HOXB5: variants seen among roughly 807,000 people sequenced by gnomAD.
HOXB5 encodes homeobox B5.
Under a neutral mutation model 19.6 loss-of-function variants are expected in HOXB5, and 10 were observed. That is an observed-to-expected ratio of 0.51 (90% confidence interval 0.32 to 0.87). The LOEUF is 0.87. HOXB5 is among the 40% of genes least tolerant of loss of function. The pLI is 0.04. For synonymous variants in HOXB5, 167 were observed against 156.9 expected (o/e 1.06, Z -0.48); for missense variants, 353 against 369.6 (o/e 0.96, Z 0.37).
Position 48,591,877 on chromosome 17 carries a change from C to G in HOXB5, c.*332G>C, listed in dbSNP as rs2070158512. On this transcript the variant is annotated 3_prime_UTR_variant, in exon 2 of 2. Transcript: ENST00000239151. ...GAGGGGAGAGTTCACATTAAACATGCGAATTTCTTTTTTTTTTTTTCCTGG... is the reference window on the plus strand; with the variant it reads ...GAGGGGAGAGTTCACATTAAACATGGGAATTTCTTTTTTTTTTTTTCCTGG... 6.0e-6 allele frequency: 1 copy of G among 167,976 alleles called. No homozygotes were observed. The highest frequency in any genetic ancestry group is 1.3e-5 in the Non-Finnish European group (1 of 79,902). 10.4% of individuals were successfully genotyped at this position (167,976 alleles called of 1,614,324 possible). A position where few individuals can be genotyped will look rare whatever the true frequency, so the allele number is the denominator to read the frequency against.
chr17:48,593,177 G>C lies in HOXB5; in HGVS notation c.506C>G (p.Pro169Arg), dbSNP rs759044335. The change falls in exon 1 of 2, where the codon CCC becomes CGC. Residue 169 changes from proline (P) to arginine (R), a missense_variant. Pro to Arg is a moderately radical substitution (Grantham distance 103). Transcript: ENST00000239151. ...GAATATTTGCGGAGTCTGCCCCTCG[G>C]GCGCGGCTGTGGAGGTGGCCATGGG... Reference protein sequence around the residue: ...PEPMATSTAAPEGQTPQIFPW... With the variant: ...PEPMATSTAAREGQTPQIFPW... 6.3e-7 allele frequency: 1 copy of C among 1,594,456 alleles called. No homozygotes were observed. Among genetic ancestry groups the C allele is most frequent in the Non-Finnish European group, 8.6e-7 (1 of 1,167,264 alleles).
chr17:48,592,936 C>A (rs150779804), intron 1 of HOXB5, among the ~76,000 whole-genome samples, 185 bp downstream of exon 1: 115 of 152,238 alleles, frequency 7.6e-4, no homozygotes, highest in African/African-American at 2.7e-3. Flanking sequence ...AAAAATACCC[C>A]CCTCTTAACA....
intron 1 of HOXB5, 131 bp downstream of exon 1, chr17:48,592,990 C>T (rs2070187279): frequency 5.9e-6 from 4 of 674,890 alleles, no homozygotes; most frequent in Middle Eastern, 4.2e-4. Flanking sequence ...TGAGGCCCCT[C>T]TTAGATACTT....
chr17:48,593,128 G>T lies in HOXB5; in HGVS notation c.555C>A (p.Ile185=). The T allele has an allele frequency of 6.5e-7, 1 of 1,538,410 alleles. No individual in the cohort carries two copies. The highest frequency in any genetic ancestry group is 8.8e-7 in the Non-Finnish European group (1 of 1,138,656). The change falls in exon 1 of 2, where the codon ATC becomes ATA. Residue 185 remains isoleucine, a synonymous_variant. Coordinates refer to ENST00000239151, the MANE Select transcript of HOXB5 (RefSeq NM_002147.4). ...QIFPWMRKLH[I]SHDMTGPDGK... is the part of the protein sequence containing the mutation. ...AAAGAGAGAGAGAATTACCATGGCT[G>T]ATGTGAAGCTTCCTCATCCAGGGGA...
Position 48,592,447 on chromosome 17 carries a change from C to T in HOXB5, c.572G>A (p.Gly191Glu). 1.9e-6 allele frequency: 3 copies of T among 1,582,802 alleles called. No individual in the cohort carries two copies. The highest frequency in any genetic ancestry group is 2.6e-6 in the Non-Finnish European group (3 of 1,160,654). ...RKLHISHDMT[G>E]PDGKRARTAY... ...GGTCCGGGCCCTTTTCCCGTCCGGC[C>T]CGGTCATATCTGGAGCAGATAGAGG... Residue 191 changes from glycine to glutamate, a missense_variant, in exon 2 of 2, where the codon GGG (glycine) becomes GAG (glutamate). Transcript: ENST00000239151.
In HOXB5 at chr17:48,593,433, G is replaced by C. The variant is rs778904505; in HGVS notation, c.250C>G (p.Arg84Gly). ...CAGCTCGAAGCCGCTTGCCTGAAGC[G>C]GGGCTCCTGGGCGGGCGCGGGGAAG... ...RAFPAPAQEP[R>G]FRQAASSCSL... The change falls in exon 1 of 2, where the codon CGC becomes GGC. Residue 84 changes from arginine (R) to glycine (G), a missense_variant. By Grantham distance (125) the Arg-to-Gly change is moderately radical. Transcript: ENST00000239151. 1.9e-6 allele frequency: 3 copies of C among 1,609,936 alleles called. No individual in the cohort carries two copies. The highest frequency in any genetic ancestry group is 1.1e-5 in the South Asian group (1 of 90,814).
Position 48,592,466 on chromosome 17 carries a change from A to G in HOXB5, c.563-10T>C. 1 of 1,375,098 alleles carries G rather than the reference A, an allele frequency of 7.3e-7. No individual in the cohort carries two copies. The allele number at this position is 1,375,098 out of a possible 1,614,324, so 85.2% of individuals were successfully genotyped here. ...TCCGGCCCGGTCATATCTGGAGCAG[A>G]TAGAGGAAAGCCGCAAGGCAACATT... is the stretch of plus-strand genomic sequence containing the variant. On this transcript the variant is annotated splice_polypyrimidine_tract_variant and intron_variant, in intron 1 of 1. Coordinates refer to ENST00000239151, the MANE Select transcript of HOXB5 (RefSeq NM_002147.4).
Position 48,593,617 on chromosome 17 carries a change from T to A in HOXB5, c.66A>T (p.Leu22=). Residue 22 remains leucine, a synonymous_variant, in exon 1 of 2, where the codon CTA becomes CTT. Transcript: ENST00000239151. ...RYPNGPDYQL[L]NYGSGSSLSG... ...TCAGAGAGCTGCCACTGCCATAATTTAGCAACTGATAGTCCGGGCCATTTG... is the reference window on the plus strand; with the variant it reads ...TCAGAGAGCTGCCACTGCCATAATTAAGCAACTGATAGTCCGGGCCATTTG... The A allele has an allele frequency of 6.2e-7, 1 of 1,613,060 alleles. No individual in the cohort carries two copies. Among genetic ancestry groups the A allele is most frequent in the Admixed American group, 1.7e-5 (1 of 60,034 alleles).
Position 48,592,074 on chromosome 17 carries a change from G to GAAATATC in HOXB5, c.*128_*134dup. 1.0e-6 allele frequency: 1 copy of GAAATATC among 989,844 alleles called. No individual in the cohort carries two copies. Among genetic ancestry groups the GAAATATC allele is most frequent in the Non-Finnish European group, 1.5e-6 (1 of 681,918 alleles). 61.3% of individuals were successfully genotyped at this position (989,844 alleles called of 1,614,324 possible). On this transcript the variant is annotated 3_prime_UTR_variant, in exon 2 of 2. Transcript: ENST00000239151. ...GCCACAGGAAGACCTAAGACCAAAC[G>GAAATATC]AAATATCGTAACACAAGGCGAGGCA...
At position 48,592,417 on chromosome 17, in the gene HOXB5, T is replaced by C; in HGVS notation, c.602A>G (p.Tyr201Cys). The C allele has an allele frequency of 1.2e-6, 2 of 1,613,070 alleles. No individual in the cohort carries two copies. The highest frequency in any genetic ancestry group is 1.7e-6 in the Non-Finnish European group (2 of 1,179,676). The stretch of plus-strand genomic sequence containing the variant: ...CAGCTCCAGGGTCTGGTAGCGGGTA[T>C]ACGCGGTCCGGGCCCTTTTCCCGTC... The part of the protein sequence containing the change: ...GPDGKRARTA[Y>C]TRYQTLELEK... Residue 201 changes from tyrosine to cysteine, a missense_variant, in exon 2 of 2, where the codon TAT (tyrosine) becomes TGT (cysteine). By Grantham distance (194) the Tyr-to-Cys change is radical. Transcript: ENST00000239151.
At position 48,592,188 on chromosome 17, in the gene HOXB5, G is replaced by T. The variant is rs2070168409; in HGVS notation, c.*21C>A. ...TGGGGGTGGCACGGGCTCTTGGGCC[G>T]CTGGGCTCCTCTGGGCGGGCTCAGG... On this transcript the variant is annotated 3_prime_UTR_variant, in exon 2 of 2. Transcript: ENST00000239151. 1 of 1,607,784 alleles carries T rather than the reference G, an allele frequency of 6.2e-7. No individual in the cohort carries two copies. Among genetic ancestry groups the T allele is most frequent in the Non-Finnish European group, 8.5e-7 (1 of 1,176,308 alleles).
chr17:48,592,171 G>C lies in HOXB5; in HGVS notation c.*38C>G, dbSNP rs1268893148. 5 of 1,598,632 alleles carry C rather than the reference G, an allele frequency of 3.1e-6. No homozygotes were observed. Among genetic ancestry groups the C allele is most frequent in the Non-Finnish European group, 4.3e-6 (5 of 1,171,614 alleles). ...ATTGGAGGGGCCAGGGCTGGGGGTG[G>C]CACGGGCTCTTGGGCCGCTGGGCTC... is the stretch of plus-strand genomic sequence containing the variant. On this transcript the variant is annotated 3_prime_UTR_variant, in exon 2 of 2. Transcript: ENST00000239151.
rs113520215 is a variant in HOXB5, at chr17:48,592,083, T to C, written c.*126A>G. 17 of 1,094,724 alleles carry C rather than the reference T, an allele frequency of 1.6e-5. 1 individual carries two copies. The African/African-American group carries it at 1.6e-4, about 10-fold the overall frequency. The allele number at this position is 1,094,724 out of a possible 1,614,324, so 67.8% of individuals were successfully genotyped here. On this transcript the variant is annotated 3_prime_UTR_variant, in exon 2 of 2. Transcript: ENST00000239151. ...AGACCTAAGACCAAACGAAATATCG[T>C]AACACAAGGCGAGGCAGGCTTGTGG...
chr17:48,592,019 TAAC>T lies in HOXB5; in HGVS notation c.*187_*189del. 2.3e-6 allele frequency: 1 copy of T among 436,872 alleles called. No individual in the cohort carries two copies. The highest frequency in any genetic ancestry group is 4.0e-6 in the Non-Finnish European group (1 of 250,714). 27.1% of individuals were successfully genotyped at this position (436,872 alleles called of 1,614,324 possible). A position where few individuals can be genotyped will look rare whatever the true frequency, so the allele number is the denominator to read the frequency against. ...TAATAATAATTATTATTAACAATAA[TAAC>T]AAGATAACCAGTCCAGGAGAGAGGG... On this transcript the variant is annotated 3_prime_UTR_variant, in exon 2 of 2. Transcript: ENST00000239151.
At chr17:48,593,070 CA>C in intron 1 of HOXB5, 50 bp downstream of exon 1, 1 of 1,039,434 alleles carries the variant, frequency 9.6e-7, no homozygotes, top group Non-Finnish European at 1.4e-6. Context: ...GATCCCACCC[CA>C]AAACGCAGAG....
At position 48,593,736 on chromosome 17, in the gene HOXB5, C is replaced by G; in HGVS notation, c.-54G>C. 2.1e-6 allele frequency: 3 copies of G among 1,460,796 alleles called. No individual in the cohort carries two copies. Among genetic ancestry groups the G allele is most frequent in the South Asian group, 2.5e-5 (2 of 81,188 alleles). The allele number at this position is 1,460,796 out of a possible 1,614,324, so 90.5% of individuals were successfully genotyped here. Reference sequence around the variant, plus strand: ...GGATCGTGGTCGTTATAACCCTGTGCTTCACGATTTATGATGTATTAATGA... The same window carrying G: ...GGATCGTGGTCGTTATAACCCTGTGGTTCACGATTTATGATGTATTAATGA... On this transcript the variant is annotated 5_prime_UTR_variant, in exon 1 of 2. Transcript: ENST00000239151.
Position 48,592,064 on chromosome 17 carries a change from A to G in HOXB5, c.*145T>C. On this transcript the variant is annotated 3_prime_UTR_variant, in exon 2 of 2. Transcript: ENST00000239151. The stretch of plus-strand genomic sequence containing the variant: ...GAGAGAGGGAGCCACAGGAAGACCT[A>G]AGACCAAACGAAATATCGTAACACA... 1 of 824,764 alleles carries G rather than the reference A, an allele frequency of 1.2e-6. No homozygotes were observed. Among genetic ancestry groups the G allele is most frequent in the South Asian group, 1.7e-5 (1 of 57,266 alleles). The allele number at this position is 824,764 out of a possible 1,614,324, so 51.1% of individuals were successfully genotyped here.
chr17:48,593,035 A>C, intron 1 of HOXB5, 86 bp downstream of exon 1: 1 of 1,025,408 alleles, frequency 9.8e-7, no homozygotes. Context: ...TATTTAGGGT[A>C]AAGCCAAGCT....
intron 1 of HOXB5, among the ~76,000 whole-genome samples, chr17:48,592,718 C>A (rs141347067): frequency 1.3e-5 from 2 of 152,308 alleles, no homozygotes; most frequent in Non-Finnish European, 2.9e-5. Context: ...TGGGCTCAGG[C>A]GGCCGCTCGC....
Sources: gnomAD v4.1 joint callset for allele counts (sites outside exome capture counted in the v4.1 genomes callset) on GRCh38, gnomAD v4.1.1 for gene constraint, MANE v1.5 for transcripts, NCBI Gene and HGNC (gene_info 2026-07-23, HGNC 2026-07-21) for gene names.